CSMD1: variants seen among roughly 807,000 people sequenced by gnomAD.
CSMD1 encodes the protein CUB and sushi domain-containing protein 1.
CSMD1 carries 213 observed loss-of-function variants against 417.5 expected under a neutral mutation model. That is an observed-to-expected ratio of 0.51 (90% confidence interval 0.46 to 0.57). The LOEUF is 0.57. CSMD1 is among the 20% of genes least tolerant of loss of function. The pLI is 0.00. For synonymous variants in CSMD1, 2,862 were observed against 1,736.8 expected (o/e 1.65, Z -16.11); for missense variants, 6,923 against 4,529.7 (o/e 1.53, Z -15.17).
rs969955852 is a variant in CSMD1 at position 3,679,076 on chromosome 8, A to G, written c.1009+29338T>C. Among the ~76,000 whole-genome samples the G allele has an allele frequency of 7.2e-5, 11 of 152,180 alleles. 1 individual carries two copies. The highest frequency in any genetic ancestry group is 4.1e-4 in the South Asian group (2 of 4,822). ...AACAACTGGTACTAGCCACTGCAAA[A>G]ACATGCCAAATTGTAAAGACCATCG... On this transcript the variant is annotated intron_variant, in intron 7 of 69. Coordinates refer to ENST00000635120, the MANE Select transcript of CSMD1 (RefSeq NM_033225.6).
At chr8:4,944,403 T>C (rs763835470) in intron 1 of CSMD1, among the ~76,000 whole-genome samples, 1 of 152,172 alleles carries the variant, frequency 6.6e-6, no homozygotes, top group Non-Finnish European at 1.5e-5. Context: ...CAGATGGTTG[T>C]AGGAATTCTC....
At chr8:3,287,640 G>T (rs1045238607) in intron 25 of CSMD1, among the ~76,000 whole-genome samples, 10 of 152,242 alleles carry the variant, frequency 6.6e-5, no homozygotes, top group African/African-American at 2.4e-4. Context: ...TGTGATTTTT[G>T]CACATTGATT....
At chr8:4,726,529 A>G (rs293874) in intron 1 of CSMD1, among the ~76,000 whole-genome samples, 1 of 152,060 alleles carries the variant, frequency 6.6e-6, no homozygotes, top group Non-Finnish European at 1.5e-5. Context: ...TAATGAGAAT[A>G]CAAGCAGTGC....
chr8:3,633,063 A>C (rs1349239352), intron 7 of CSMD1, among the ~76,000 whole-genome samples: 2 of 152,066 alleles, frequency 1.3e-5, no homozygotes, highest in Non-Finnish European at 2.9e-5. Context: ...TGCCCTGTTG[A>C]CTCCCAACAC....
At chr8:3,409,205 G>C (rs1286224401) in intron 13 of CSMD1, among the ~76,000 whole-genome samples, 4 of 152,210 alleles carry the variant, frequency 2.6e-5, no homozygotes, top group African/African-American at 9.7e-5. Context: ...ACATTTTGTC[G>C]AGTAGATGTA....
At chr8:4,868,268 C>T (rs1802532397) in intron 1 of CSMD1, among the ~76,000 whole-genome samples, 1 of 152,096 alleles carries the variant, frequency 6.6e-6, no homozygotes, top group African/African-American at 2.4e-5. Context: ...GAGTTTCACA[C>T]TTTCACCCAG....
rs146614304 is a variant in CSMD1, at chr8:3,071,340, G to A, written c.7474+15757C>T. ...CACAGGGAAGGGAACATCACACACC[G>A]GGGCCCATCACGGGGTGGGGAGCAA... On this transcript the variant is annotated intron_variant, in intron 49 of 69. Transcript: ENST00000635120. 2.4e-3 allele frequency among the ~76,000 whole-genome samples: 358 copies of A among 152,140 alleles called. 3 individuals carry two copies. The highest frequency in any genetic ancestry group is 3.8e-3 in the Non-Finnish European group (255 of 67,998).
At chr8:3,703,238 C>G (rs4875774) in intron 7 of CSMD1, among the ~76,000 whole-genome samples, 3 of 152,000 alleles carry the variant, frequency 2.0e-5, no homozygotes, top group African/African-American at 2.4e-5. Context: ...AGACTACAGT[C>G]GCGCTGCCCT....
At chr8:3,045,029 T>A (rs1030872731) in intron 50 of CSMD1, among the ~76,000 whole-genome samples, 1 of 152,148 alleles carries the variant, frequency 6.6e-6, no homozygotes, top group Admixed American at 6.5e-5. Flanking sequence ...ATCCCCCGAA[T>A]AAAAATTAAA....
chr8:4,173,084 C>G (rs1191134704), intron 3 of CSMD1, among the ~76,000 whole-genome samples: 1 of 152,096 alleles, frequency 6.6e-6, no homozygotes, highest in Non-Finnish European at 1.5e-5. Context: ...ATCTTAATTT[C>G]AGGGAAAGGT....
At position 3,189,892 on chromosome 8, in the gene CSMD1, C is replaced by G. The variant is rs370174672; in HGVS notation, c.5398+20G>C. 6 of 1,554,132 alleles carry G rather than the reference C, an allele frequency of 3.9e-6. No homozygotes were observed. In the African/African-American group the frequency reaches 6.8e-5, roughly 18 times the overall value. ...CCACCACAGAGTTCTGGCGGGCAGC[C>G]GCTTAGGGACACTGCTCACCCACAC... On this transcript the variant is annotated intron_variant, in intron 34 of 69. Coordinates refer to ENST00000635120, the MANE Select transcript of CSMD1 (RefSeq NM_033225.6).
intron 3 of CSMD1, among the ~76,000 whole-genome samples, chr8:4,061,187 C>T (rs755528390): frequency 2.6e-5 from 4 of 152,164 alleles, no homozygotes; most frequent in Non-Finnish European, 5.9e-5. Context: ...AGCTGCAGTT[C>T]TAACATGAGC....
At chr8:4,488,372 T>C (rs1801523866) in intron 2 of CSMD1, among the ~76,000 whole-genome samples, 1 of 152,094 alleles carries the variant, frequency 6.6e-6, no homozygotes, top group African/African-American at 2.4e-5. Context: ...ATATAGAAAC[T>C]TGTTTAATCC....
intron 5 of CSMD1, among the ~76,000 whole-genome samples, chr8:3,935,946 G>A (rs1165409544): frequency 6.6e-6 from 1 of 152,098 alleles, no homozygotes; most frequent in Non-Finnish European, 1.5e-5. Flanking sequence ...GCCAAGCTGT[G>A]AATGCAAAGG....
chr8:3,163,414 GAAAA>G (rs77591108), intron 37 of CSMD1, among the ~76,000 whole-genome samples: 5 of 136,276 alleles, frequency 3.7e-5, no homozygotes, highest in Non-Finnish European at 6.4e-5. Context: ...TAATCAGAAG[GAAAA>G]AAAAAAAAAC....
chr8:4,839,774 G>A (rs1221779229), intron 1 of CSMD1, among the ~76,000 whole-genome samples: 1 of 152,100 alleles, frequency 6.6e-6, no homozygotes, highest in East Asian at 1.9e-4. Context: ...CCACAGAAAA[G>A]CATAAACAAC....
At chr8:4,346,957 T>G (rs1561342) in intron 3 of CSMD1, among the ~76,000 whole-genome samples, 10 of 152,194 alleles carry the variant, frequency 6.6e-5, no homozygotes, top group Admixed American at 5.9e-4. Flanking sequence ...TTAGGTAACA[T>G]TCAACTCTCT....
chr8:4,581,690 C>A (rs1017213658), intron 2 of CSMD1, among the ~76,000 whole-genome samples: 2 of 152,178 alleles, frequency 1.3e-5, no homozygotes, highest in African/African-American at 4.8e-5. Context: ...CAGTTGGGGT[C>A]ACATAAGCAG....
intron 2 of CSMD1, among the ~76,000 whole-genome samples, chr8:4,499,207 G>A (rs1350521403): frequency 6.6e-6 from 1 of 152,164 alleles, no homozygotes; most frequent in Non-Finnish European, 1.5e-5. Context: ...GCCTCAGAAA[G>A]ACTTCACAAA....
Sources: gnomAD v4.1 joint callset for allele counts (sites outside exome capture counted in the v4.1 genomes callset) on GRCh38, gnomAD v4.1.1 for gene constraint, MANE v1.5 for transcripts, NCBI Gene and HGNC (gene_info 2026-07-23, HGNC 2026-07-21) for gene names.